KIAA0753: variants seen among roughly 807,000 people sequenced by gnomAD.
The protein encoded by KIAA0753 is protein moonraker.
Under a neutral mutation model 116.9 loss-of-function variants are expected in KIAA0753, and 114 were observed. The ratio of observed to expected loss-of-function variants is 0.98; its 90% CI spans 0.84 to 1.14. The LOEUF is 1.14. Among genes scored for constraint, KIAA0753 ranks in the 50% most tolerant of loss-of-function variants. KIAA0753 has a pLI of 0.00. For missense variants in KIAA0753, 1,156 were observed against 1,172.4 expected, an observed-to-expected ratio of 0.99 and a Z score of 0.20; for synonymous variants, 405 against 413.1, an observed-to-expected ratio of 0.98 and a Z score of 0.24.
chr17:6,590,000 G>A lies in KIAA0753; in HGVS notation c.2565C>T (p.Ser855=). 6.5e-7 allele frequency: 1 copy of A among 1,548,400 alleles called. No individual in the cohort carries two copies. The highest frequency in any genetic ancestry group is 8.7e-7 in the Non-Finnish European group (1 of 1,151,874). Residue 855 remains serine, a synonymous_variant, in exon 18 of 19, where the codon TCC becomes TCT. Transcript: ENST00000361413. ...CCTCTGTTCCCACACTTTCATCCAGGGAACTGAGAACAAATAAAAATGATG... is the reference window on the plus strand; with the variant it reads ...CCTCTGTTCCCACACTTTCATCCAGAGAACTGAGAACAAATAAAAATGATG... ...IMLERPCNGN[S]LDESVGTEEG...
intron 2 of KIAA0753, 72 bp downstream of exon 2, chr17:6,634,939 C>T: frequency 1.0e-6 from 1 of 999,602 alleles, no homozygotes; most frequent in Admixed American, 1.8e-5. Flanking sequence ...CAAAAGTGTT[C>T]ACTGTCCTTT....
In KIAA0753 at chr17:6,589,796, C is replaced by T. The variant is rs530903649; in HGVS notation, c.2769G>A (p.Pro923=). The T allele has an allele frequency of 1.6e-5, 25 of 1,606,024 alleles. No individual in the cohort carries two copies. The highest frequency in any genetic ancestry group is 4.5e-5 in the East Asian group (2 of 44,772). Reference sequence around the variant, plus strand: ...TTACTGACCTTTCAGCTATCAGCCACGGGTTGAAGGAGCCTACAGCCTCAT... The same window carrying T: ...TTACTGACCTTTCAGCTATCAGCCATGGGTTGAAGGAGCCTACAGCCTCAT... ...ISHEAVGSFN[P]WLIAESFSEE... Residue 923 remains proline (P), a synonymous_variant, in exon 18 of 19, where the codon CCG becomes CCA. Transcript: ENST00000361413.
rs533103001 is a variant in KIAA0753, at chr17:6,628,225, T to C, written c.610A>G (p.Ile204Val). Reference sequence around the variant, plus strand: ...TCACTTATGTTTTTGTGGTCACCTATCCTGGGATGAGGCTGAAGTCCCGGA... The same window carrying C: ...TCACTTATGTTTTTGTGGTCACCTACCCTGGGATGAGGCTGAAGTCCCGGA... ...HDPGLQPHPR[I>V]GDHKNISEQK... is the part of the protein sequence containing the mutation. Residue 204 changes from isoleucine (I) to valine (V), a missense_variant, in exon 3 of 19, where the codon ATA becomes GTA. Ile to Val is a conservative substitution (Grantham distance 29). Transcript: ENST00000361413. 21 of 1,614,132 alleles carry C rather than the reference T, an allele frequency of 1.3e-5. No individual in the cohort carries two copies. The Admixed American group carries it at 3.3e-4, about 26-fold the overall frequency.
intron 16 of KIAA0753, among the ~76,000 whole-genome samples, chr17:6,593,968 A>G (rs2150764977): frequency 6.6e-6 from 1 of 152,328 alleles, no homozygotes; most frequent in South Asian, 2.1e-4. Flanking sequence ...AAGACTGATG[A>G]CACCAAATGT....
intron 16 of KIAA0753, among the ~76,000 whole-genome samples, chr17:6,593,411 T>G (rs8073214): frequency 7.5e-5 from 9 of 120,074 alleles, no homozygotes; most frequent in African/African-American, 1.7e-4. Flanking sequence ...TTCACGCCTG[T>G]AATCCCAGCA....
intron 18 of KIAA0753, among the ~76,000 whole-genome samples, chr17:6,586,115 T>A (rs1968557605): frequency 1.3e-5 from 2 of 152,122 alleles, no homozygotes; most frequent in Admixed American, 1.3e-4. Context: ...TAAAAGTGTG[T>A]GGCATTCTCC....
chr17:6,599,634 CT>C (rs934000807), intron 13 of KIAA0753, among the ~76,000 whole-genome samples: 300 of 146,004 alleles, frequency 2.1e-3, no homozygotes, highest in African/African-American at 4.1e-3. Flanking sequence ...TACTTGATTT[CT>C]TTTTTTTTTT....
intron 2 of KIAA0753, chr17:6,634,782 T>C: frequency 2.2e-6 from 1 of 460,534 alleles, no homozygotes; most frequent in African/African-American, 1.9e-5. Flanking sequence ...AGTTCATTTT[T>C]AGGAGAAGTA....
At position 6,599,235 on chromosome 17, in the gene KIAA0753, A is replaced by C; in HGVS notation, c.2172+2T>G. The C allele has an allele frequency of 6.2e-7, 1 of 1,608,656 alleles. No homozygotes were observed. The highest frequency in any genetic ancestry group is 1.1e-5 in the South Asian group (1 of 90,962). ...AGAATGCCAATATCACACAACGCAT[A>C]CCTCCTGTGCAGGCTGGGCTTTCGC... On this transcript the variant is annotated splice_donor_variant, in intron 14 of 18. Coordinates refer to ENST00000361413, the MANE Select transcript of KIAA0753 (RefSeq NM_014804.3). LOFTEE classifies it high-confidence loss of function.
intron 16 of KIAA0753, 31 bp from the exon 17 acceptor site, chr17:6,590,661 T>A (rs1164152143): frequency 6.2e-7 from 1 of 1,611,684 alleles, no homozygotes; most frequent in Middle Eastern, 1.7e-4. Context: ...AATGACTGCA[T>A]ATAAAGAACA....
intron 3 of KIAA0753, among the ~76,000 whole-genome samples, chr17:6,625,744 T>G (rs1971626888): frequency 6.6e-6 from 1 of 152,218 alleles, no homozygotes; most frequent in Non-Finnish European, 1.5e-5. Flanking sequence ...TTTTTCTTTC[T>G]GAGGCAGAGT....
chr17:6,618,369 G>A (rs753391806), intron 7 of KIAA0753, among the ~76,000 whole-genome samples: 5 of 152,236 alleles, frequency 3.3e-5, no homozygotes, highest in Non-Finnish European at 7.4e-5. Flanking sequence ...AACCCCAGGA[G>A]GGGGTCAAGG....
At chr17:6,584,623 C>T (rs944137416) in intron 18 of KIAA0753, among the ~76,000 whole-genome samples, 4 of 152,162 alleles carry the variant, frequency 2.6e-5, no homozygotes, top group African/African-American at 7.2e-5. Context: ...TGCTGGAGTG[C>T]TCTTTCCCAC....
At chr17:6,612,584 C>T (rs1970624026) in intron 7 of KIAA0753, among the ~76,000 whole-genome samples, 1 of 152,162 alleles carries the variant, frequency 6.6e-6, no homozygotes, top group African/African-American at 2.4e-5. Context: ...AATGTCACTT[C>T]TGGCCAGGGG....
chr17:6,592,969 G>C (rs1298302156), intron 16 of KIAA0753, among the ~76,000 whole-genome samples: 2 of 152,000 alleles, frequency 1.3e-5, no homozygotes, highest in Admixed American at 1.3e-4. Context: ...GGGGAGTGAG[G>C]AAAATGTTCC....
At chr17:6,600,611 A>C (rs1337434896) in intron 12 of KIAA0753, among the ~76,000 whole-genome samples, 153 bp from the exon 13 acceptor site, 1 of 152,182 alleles carries the variant, frequency 6.6e-6, no homozygotes, top group African/African-American at 2.4e-5. Flanking sequence ...TCTTGTGAAA[A>C]TGTAGATTCC....
chr17:6,591,450 A>T (rs1969059421), intron 16 of KIAA0753, among the ~76,000 whole-genome samples: 1 of 152,256 alleles, frequency 6.6e-6, no homozygotes, highest in African/African-American at 2.4e-5. Context: ...AGGGGATAAC[A>T]GACACAGATA....
intron 18 of KIAA0753, among the ~76,000 whole-genome samples, chr17:6,582,327 T>C (rs899553415): frequency 6.6e-6 from 1 of 152,266 alleles, no homozygotes; most frequent in Non-Finnish European, 1.5e-5. Flanking sequence ...TTCATGCCGT[T>C]AATATGATTA....
At chr17:6,609,881 G>A in intron 9 of KIAA0753, 113 bp downstream of exon 9, 1 of 1,183,518 alleles carries the variant, frequency 8.4e-7, no homozygotes, top group East Asian at 2.4e-5. Context: ...TCTGCTTAAT[G>A]GAAAAAATTA....
Sources: allele counts gnomAD v4.1 joint callset (sites outside exome capture counted in the v4.1 genomes callset), GRCh38; gene constraint gnomAD v4.1.1; transcripts MANE v1.5; gene names NCBI Gene and HGNC (gene_info 2026-07-23, HGNC 2026-07-21).